Variants in SSX2IP observed in about 807,000 individuals in gnomAD.
SSX2IP encodes afadin- and alpha-actinin-binding protein.
SSX2IP carries 55 observed loss-of-function variants against 84.9 expected under a neutral mutation model. The ratio of observed to expected loss-of-function variants is 0.65; its 90% CI spans 0.52 to 0.81. SSX2IP has a LOEUF of 0.81. Among genes scored for constraint, SSX2IP ranks in the 30% least tolerant of loss-of-function variants. The pLI is 0.00. For missense variants in SSX2IP, 664 were observed against 705.2 expected (o/e 0.94, Z 0.66); for synonymous variants, 239 against 234.7 (o/e 1.02, Z -0.17).
At chr1:84,652,883 T>C (rs1650509250) in intron 11 of SSX2IP, among the ~76,000 whole-genome samples, 1 of 150,620 alleles carries the variant, frequency 6.6e-6, no homozygotes, top group Non-Finnish European at 1.5e-5. Context: ...ACAAAAAAAA[T>C]TAGCCGGGTG....
chr1:84,671,128 T>A (rs1355619459), intron 2 of SSX2IP, 49 bp downstream of exon 2: 1 of 1,581,886 alleles, frequency 6.3e-7, no homozygotes, highest in South Asian at 1.2e-5. Context: ...ATTGAAAAAT[T>A]CACCTTTACA....
chr1:84,663,783 C>T (rs1001656907), intron 6 of SSX2IP, among the ~76,000 whole-genome samples: 2 of 152,144 alleles, frequency 1.3e-5, no homozygotes, highest in African/African-American at 4.8e-5. Flanking sequence ...TCTTGTGCCT[C>T]GTATTTATAC....
chr1:84,655,458 T>C, intron 11 of SSX2IP: 1 of 1,295,236 alleles, frequency 7.7e-7, no homozygotes, highest in East Asian at 5.5e-5. Flanking sequence ...TTTTTTATTA[T>C]ACTTCCTTTT....
At chr1:84,683,661 ATT>A (rs1248614444) in intron 1 of SSX2IP, among the ~76,000 whole-genome samples, 1 of 152,176 alleles carries the variant, frequency 6.6e-6, no homozygotes, top group Non-Finnish European at 1.5e-5. Context: ...CCCAGTCAAG[ATT>A]GCTGAATGAA....
At chr1:84,650,592 A>G (rs1650084862) in intron 12 of SSX2IP, 65 bp from the exon 13 acceptor site, 1 of 1,549,536 alleles carries the variant, frequency 6.5e-7, no homozygotes, top group Non-Finnish European at 8.9e-7. Flanking sequence ...TAGTGAAGGT[A>G]AATCATCAGG....
rs116823821 is a variant in SSX2IP, at chr1:84,658,289, C to T, written c.1078+29G>A. On this transcript the variant is annotated intron_variant, in intron 9 of 13. Coordinates refer to ENST00000342203, the MANE Select transcript of SSX2IP (RefSeq NM_001166293.2). ...CAACACCTTACCAAATGTCACAACT[C>T]ACTTTACATGCATAGAAGCAGTGGT... 3.4e-4 allele frequency: 554 copies of T among 1,612,456 alleles called. 3 individuals are homozygous for T. In the African/African-American group the frequency reaches 6.6e-3, roughly 19 times the overall value.
intron 1 of SSX2IP, among the ~76,000 whole-genome samples, chr1:84,673,486 G>A (rs1299832436): frequency 6.6e-6 from 1 of 152,216 alleles, no homozygotes; most frequent in Non-Finnish European, 1.5e-5. Context: ...AAACTGCAAT[G>A]AAAATCTATT....
At chr1:84,667,976 C>CAT (rs1451493263) in intron 4 of SSX2IP, among the ~76,000 whole-genome samples, 1 of 152,160 alleles carries the variant, frequency 6.6e-6, no homozygotes, top group Non-Finnish European at 1.5e-5. Context: ...CAGTGCCTAG[C>CAT]ATATACTCAA....
intron 13 of SSX2IP, among the ~76,000 whole-genome samples, chr1:84,649,065 T>C (rs1012831240): frequency 2.0e-5 from 3 of 152,226 alleles, no homozygotes; most frequent in Non-Finnish European, 4.4e-5. Flanking sequence ...GTTTTTTCTA[T>C]TCCCCTTAGA....
At position 84,658,401 on chromosome 1, in the gene SSX2IP, T is replaced by C. The variant is rs535760413; in HGVS notation, c.995A>G (p.Glu332Gly). 6 of 1,614,128 alleles carry C rather than the reference T, an allele frequency of 3.7e-6. No individual in the cohort carries two copies. The East Asian group carries it at 1.1e-4, about 30-fold the overall frequency. The change falls in exon 9 of 14, where the codon GAA becomes GGA. Residue 332 changes from glutamate (E) to glycine (G), a missense_variant. Physicochemically the swap from Glu to Gly is moderately conservative, Grantham distance 98 (BLOSUM62 -2). Transcript: ENST00000342203. ...SRESMWDLSC[E>G]TVREQLTNSI... is the part of the protein sequence containing the mutation. Reference sequence around the variant, plus strand: ...GTTTGTAAGCTGCTCTCTCACAGTTTCACAGGAAAGGTCCCACATACTCTC... The same window carrying C: ...GTTTGTAAGCTGCTCTCTCACAGTTCCACAGGAAAGGTCCCACATACTCTC...
In SSX2IP at chr1:84,645,013, T is replaced by TG. The variant is rs1352543327; in HGVS notation, c.*2419_*2420insC. ...TGTTTATCTCAATTTTTCTTTGACA[T>TG]TTTTATGCTTTGAAAATTCAGAATG... On this transcript the variant is annotated 3_prime_UTR_variant, in exon 14 of 14. Coordinates refer to ENST00000342203, the MANE Select transcript of SSX2IP (RefSeq NM_001166293.2). 1.3e-5 allele frequency: 2 copies of TG among 152,212 alleles called. No individual in the cohort carries two copies. The highest frequency in any genetic ancestry group is 4.8e-5 in the African/African-American group (2 of 41,468). 9.4% of individuals were successfully genotyped at this position (152,212 alleles called of 1,614,324 possible). A position where few individuals can be genotyped will look rare whatever the true frequency, so the allele number is the denominator to read the frequency against.
At chr1:84,675,043 G>A (rs1197503441) in intron 1 of SSX2IP, among the ~76,000 whole-genome samples, 1 of 152,154 alleles carries the variant, frequency 6.6e-6, no homozygotes, top group Non-Finnish European at 1.5e-5. Flanking sequence ...AAGATGTTAA[G>A]CTAATTCAAT....
chr1:84,678,024 TTAAA>T (rs1245132822), intron 1 of SSX2IP, among the ~76,000 whole-genome samples: 7 of 152,226 alleles, frequency 4.6e-5, no homozygotes, highest in Non-Finnish European at 8.8e-5. Context: ...AGTATGTATA[TTAAA>T]TATACATAAA....
At chr1:84,650,320 A>C in intron 13 of SSX2IP, 42 bp downstream of exon 13, 1 of 1,609,944 alleles carries the variant, frequency 6.2e-7, no homozygotes, top group Non-Finnish European at 8.5e-7. Flanking sequence ...CAACTTTAGC[A>C]ATTTTTAGAA....
intron 11 of SSX2IP, 98 bp downstream of exon 11, chr1:84,655,734 A>C: frequency 1.4e-6 from 2 of 1,449,802 alleles, no homozygotes; most frequent in Non-Finnish European, 1.8e-6. Context: ...ATTTTAGAAA[A>C]TAAGTAAATA....
At chr1:84,689,653 C>G (rs1656304513) in intron 1 of SSX2IP, among the ~76,000 whole-genome samples, 1 of 152,184 alleles carries the variant, frequency 6.6e-6, no homozygotes, top group South Asian at 2.1e-4. Context: ...TTAGTATATT[C>G]TATGTCCTGG....
intron 6 of SSX2IP, 94 bp downstream of exon 6, chr1:84,664,322 AT>A: frequency 1.6e-6 from 2 of 1,226,276 alleles, no homozygotes; most frequent in Non-Finnish European, 2.2e-6. Context: ...TGAAAATAAC[AT>A]TTCGTGAGTT....
intron 5 of SSX2IP, among the ~76,000 whole-genome samples, chr1:84,665,187 T>C (rs578156992): frequency 6.6e-6 from 1 of 152,316 alleles, no homozygotes; most frequent in East Asian, 1.9e-4. Context: ...GGGATCAACA[T>C]GATTAACTTA....
intron 6 of SSX2IP, among the ~76,000 whole-genome samples, chr1:84,663,002 T>C (rs1652249523): frequency 6.6e-6 from 1 of 152,160 alleles, no homozygotes; most frequent in Admixed American, 6.5e-5. Context: ...GCTACTTTTC[T>C]TGTTACAATG....
Sources: allele counts gnomAD v4.1 joint callset (sites outside exome capture counted in the v4.1 genomes callset), GRCh38; gene constraint gnomAD v4.1.1; transcripts MANE v1.5; gene names NCBI Gene and HGNC (gene_info 2026-07-23, HGNC 2026-07-21).